BLTP3A: variants seen among roughly 807,000 people sequenced by gnomAD.
The protein encoded by BLTP3A is bridge-like lipid transfer protein family member 3A.
the BLTP3A span, among the ~76,000 whole-genome samples, chr6:34,798,594 C>CTTTTTTTTTTTT: frequency 3.5e-3 from 333 of 94,370 alleles, no homozygotes; most frequent in African/African-American, 4.6e-3. Context: ...TTCTTTCTTT[C>CTTTTTTTTTTTT]TTTTTTTTTT....
the BLTP3A span, among the ~76,000 whole-genome samples, chr6:34,798,594 C>CTTTCTTTTTTTTTTTTTTT: frequency 2.1e-5 from 2 of 94,498 alleles, no homozygotes; most frequent in Non-Finnish European, 4.0e-5. Flanking sequence ...TTCTTTCTTT[C>CTTTCTTTTTTTTTTTTTTT]TTTTTTTTTT....
At chr6:34,869,871 A>T in the BLTP3A span, among the ~76,000 whole-genome samples, 2 of 150,814 alleles carry the variant, frequency 1.3e-5, no homozygotes, top group Non-Finnish European at 3.0e-5. Context: ...ATGGTCTTGA[A>T]CTCCTGAACT....
chr6:34,848,332 G>A, the BLTP3A span, among the ~76,000 whole-genome samples: 22 of 151,846 alleles, frequency 1.4e-4, no homozygotes, highest in Admixed American at 3.9e-4. Context: ...AGGGCCGGGT[G>A]CGGTCACTCA....
At chr6:34,795,223 A>G in the BLTP3A span, among the ~76,000 whole-genome samples, 2 of 152,096 alleles carry the variant, frequency 1.3e-5, no homozygotes, top group African/African-American at 4.8e-5. Context: ...AGCTGAGACC[A>G]TGCACCACCA....
At chr6:34,821,803 G>A in the BLTP3A span, 1 of 1,614,088 alleles carries the variant, frequency 6.2e-7, no homozygotes, top group Non-Finnish European at 8.5e-7. Context: ...ACTGCAACAG[G>A]GCCTCCATCC....
the BLTP3A span, among the ~76,000 whole-genome samples, chr6:34,831,232 A>G: frequency 6.6e-6 from 1 of 151,446 alleles, no homozygotes; most frequent in Non-Finnish European, 1.5e-5. Context: ...GGTTCAAGTG[A>G]TTCTTCTGCC....
At chr6:34,804,453 T>C in the BLTP3A span, among the ~76,000 whole-genome samples, 4 of 152,070 alleles carry the variant, frequency 2.6e-5, no homozygotes, top group Non-Finnish European at 4.4e-5. Flanking sequence ...CAGTAATGCA[T>C]TAAGAAGTAT....
chr6:34,843,547 G>A, the BLTP3A span, among the ~76,000 whole-genome samples: 1 of 151,960 alleles, frequency 6.6e-6, no homozygotes, highest in African/African-American at 2.4e-5. Context: ...ATCACATCAG[G>A]GTAAATCGGT....
At chr6:34,828,279 C>T in the BLTP3A span, among the ~76,000 whole-genome samples, 4 of 151,800 alleles carry the variant, frequency 2.6e-5, no homozygotes, top group African/African-American at 7.2e-5. Context: ...GGTGAAACCC[C>T]GTCTCTACTA....
the BLTP3A span, among the ~76,000 whole-genome samples, chr6:34,848,015 G>A: frequency 6.9e-6 from 1 of 145,156 alleles, no homozygotes; most frequent in Non-Finnish European, 1.5e-5. Flanking sequence ...TGCCTCCTGG[G>A]CTCAGATGAT....
At chr6:34,842,002 A>G in the BLTP3A span, among the ~76,000 whole-genome samples, 1 of 152,196 alleles carries the variant, frequency 6.6e-6, no homozygotes, top group Non-Finnish European at 1.5e-5. Flanking sequence ...TTAGTCATTT[A>G]TATACACTAT....
chr6:34,876,326 A>C, the BLTP3A span: 1 of 152,198 alleles, frequency 6.6e-6, no homozygotes, highest in Admixed American at 6.5e-5. Flanking sequence ...CCGTGTGTGG[A>C]ATATACAAGG....
the BLTP3A span, among the ~76,000 whole-genome samples, chr6:34,867,863 T>A: frequency 6.6e-6 from 1 of 152,204 alleles, no homozygotes; most frequent in Non-Finnish European, 1.5e-5. Flanking sequence ...CTGGAGCTTA[T>A]AGATGAGGAC....
chr6:34,855,529 G>T, the BLTP3A span: 1 of 1,487,814 alleles, frequency 6.7e-7, no homozygotes, highest in Non-Finnish European at 9.3e-7. Flanking sequence ...TTTGAAGCTG[G>T]TCGTTAAGAG....
chr6:34,823,113 T>G, the BLTP3A span: 1 of 653,974 alleles, frequency 1.5e-6, no homozygotes, highest in Non-Finnish European at 2.7e-6. Flanking sequence ...ATTCATTCAC[T>G]CAGTAAATAT....
chr6:34,793,126 T>C, the BLTP3A span, among the ~76,000 whole-genome samples: 3 of 152,116 alleles, frequency 2.0e-5, no homozygotes, highest in African/African-American at 7.2e-5. Flanking sequence ...TATTAAGCAA[T>C]GTTATGTCGC....
chr6:34,832,401 G>A, the BLTP3A span, among the ~76,000 whole-genome samples: 26 of 152,028 alleles, frequency 1.7e-4, no homozygotes, highest in South Asian at 2.1e-3. Context: ...GATTATAGGC[G>A]TGAGCCACTG....
the BLTP3A span, chr6:34,822,059 G>A: frequency 7.1e-7 from 1 of 1,408,638 alleles, no homozygotes; most frequent in Non-Finnish European, 1.0e-6. Context: ...GGAATGGTGG[G>A]TGTCTCCTTA....
chr6:34,841,815 A>T, the BLTP3A span, among the ~76,000 whole-genome samples: 46 of 152,238 alleles, frequency 3.0e-4, no homozygotes, highest in Admixed American at 1.8e-3. Flanking sequence ...AAAGAAAAAA[A>T]TCAAACTGGA....
Sources: allele counts gnomAD v4.1 joint callset (sites outside exome capture counted in the v4.1 genomes callset), GRCh38; gene constraint gnomAD v4.1.1; transcripts MANE v1.5; gene names NCBI Gene and HGNC (gene_info 2026-07-23, HGNC 2026-07-21).